The following CHCHD3 variants were observed in gnomAD, a reference collection of about 807,000 sequenced individuals.
CHCHD3 encodes coiled-coil-helix-coiled-coil-helix domain containing 3.
Under a neutral mutation model 38.2 loss-of-function variants are expected in CHCHD3, and 20 were observed. The observed-to-expected ratio is 0.52, with a 90% confidence interval of 0.37 to 0.76. CHCHD3 has a LOEUF of 0.76. Ranked by LOEUF, CHCHD3 falls within the 30% of genes least tolerant of loss-of-function variation. CHCHD3 has a pLI of 0.00. For synonymous variants in CHCHD3, 82 were observed against 100.0 expected (o/e 0.82, Z 1.07); for missense variants, 245 against 279.2 (o/e 0.88, Z 0.87).
At chr7:132,889,052 A>G (rs1271970825) in intron 4 of CHCHD3, among the ~76,000 whole-genome samples, 2 of 152,114 alleles carry the variant, frequency 1.3e-5, no homozygotes, top group African/African-American at 4.8e-5. Flanking sequence ...AAAATCTTTT[A>G]AACATCAATA....
At chr7:132,963,644 T>G (rs550422123) in intron 4 of CHCHD3, among the ~76,000 whole-genome samples, 4 of 149,238 alleles carry the variant, frequency 2.7e-5, no homozygotes, top group African/African-American at 9.9e-5. Context: ...AAAAAAAAAA[T>G]TGTAATTTCC....
At chr7:132,992,418 A>C (rs574134233) in intron 3 of CHCHD3, among the ~76,000 whole-genome samples, 3 of 152,108 alleles carry the variant, frequency 2.0e-5, no homozygotes, top group Admixed American at 6.5e-5. Flanking sequence ...GCTACATCCC[A>C]CAGAGCCTCT....
At chr7:132,797,937 G>A (rs1806664199) in intron 6 of CHCHD3, among the ~76,000 whole-genome samples, 1 of 152,032 alleles carries the variant, frequency 6.6e-6, no homozygotes, top group Non-Finnish European at 1.5e-5. Context: ...AATACAAGAA[G>A]CTTCCAGTCT....
chr7:132,842,524 C>G (rs1042573390), intron 5 of CHCHD3, among the ~76,000 whole-genome samples: 1 of 152,134 alleles, frequency 6.6e-6, no homozygotes, highest in Non-Finnish European at 1.5e-5. Context: ...CACTAATGTT[C>G]GTTTTCTGTT....
At chr7:132,925,022 G>T (rs1427918980) in intron 4 of CHCHD3, among the ~76,000 whole-genome samples, 1 of 152,098 alleles carries the variant, frequency 6.6e-6, no homozygotes, top group Non-Finnish European at 1.5e-5. Context: ...ATGCTCAAAT[G>T]AAAAATCATT....
chr7:132,803,314 T>G (rs1202621411), intron 6 of CHCHD3, among the ~76,000 whole-genome samples: 2 of 151,880 alleles, frequency 1.3e-5, no homozygotes, highest in Non-Finnish European at 2.9e-5. Context: ...AACTTTTTAT[T>G]TGAATATCTC....
intron 4 of CHCHD3, among the ~76,000 whole-genome samples, chr7:132,938,778 G>T (rs147486280): frequency 2.0e-5 from 3 of 152,110 alleles, no homozygotes; most frequent in African/African-American, 7.2e-5. Context: ...TTCCCAGGAC[G>T]TTTAGATCTC....
intron 4 of CHCHD3, among the ~76,000 whole-genome samples, chr7:132,892,236 T>C (rs539225852): frequency 6.6e-6 from 1 of 152,286 alleles, no homozygotes; most frequent in African/African-American, 2.4e-5. Context: ...AAAATGCTGA[T>C]AGTGATATGG....
intron 4 of CHCHD3, among the ~76,000 whole-genome samples, chr7:132,944,201 G>A (rs1810840905): frequency 6.6e-6 from 1 of 151,916 alleles, no homozygotes; most frequent in East Asian, 1.9e-4. Context: ...ATCAATTGCT[G>A]ACTTCTTGGT....
intron 1 of CHCHD3, among the ~76,000 whole-genome samples, chr7:133,073,151 A>C (rs1471415970): frequency 2.6e-5 from 4 of 152,088 alleles, no homozygotes; most frequent in Non-Finnish European, 5.9e-5. Context: ...TTTAGCATCT[A>C]ACACCTCTGG....
At chr7:132,914,596 G>T (rs1810053393) in intron 4 of CHCHD3, among the ~76,000 whole-genome samples, 1 of 152,134 alleles carries the variant, frequency 6.6e-6, no homozygotes, top group East Asian at 1.9e-4. Context: ...AAAATTCAAA[G>T]AAATATAAAA....
In CHCHD3 at chr7:133,001,009, G is replaced by A. The variant is rs74957592; in HGVS notation, c.251+23537C>T. On this transcript the variant is annotated intron_variant, in intron 3 of 7. Transcript: ENST00000262570. ...ATGTTACAACTTCTCATCAGTTCTCGCCTCATAACATACAGCTGTGTGACT... is the reference window on the plus strand; with the variant it reads ...ATGTTACAACTTCTCATCAGTTCTCACCTCATAACATACAGCTGTGTGACT... Among the ~76,000 whole-genome samples the A allele has an allele frequency of 5.3e-4, 81 of 152,132 alleles. No homozygotes were observed. In the East Asian group the frequency reaches 0.015, roughly 29 times the overall value.
intron 4 of CHCHD3, among the ~76,000 whole-genome samples, chr7:132,898,414 A>G (rs1739227571): frequency 6.6e-6 from 1 of 152,188 alleles, no homozygotes; most frequent in South Asian, 2.1e-4. Context: ...CAGAGTGTGG[A>G]CACAAAGGTT....
At chr7:132,944,765 T>C (rs371864341) in intron 4 of CHCHD3, among the ~76,000 whole-genome samples, 1 of 152,044 alleles carries the variant, frequency 6.6e-6, no homozygotes, top group Admixed American at 6.6e-5. Flanking sequence ...GGTAGGATTA[T>C]GGATGTTTTA....
At chr7:132,964,074 T>A (rs1392931984) in intron 4 of CHCHD3, among the ~76,000 whole-genome samples, 2 of 152,164 alleles carry the variant, frequency 1.3e-5, no homozygotes, top group South Asian at 2.1e-4. Context: ...AAATTTCTCA[T>A]AAAATTCAAT....
chr7:132,888,634 A>T (rs1380739242), intron 4 of CHCHD3, among the ~76,000 whole-genome samples: 1 of 152,048 alleles, frequency 6.6e-6, no homozygotes, highest in Non-Finnish European at 1.5e-5. Context: ...AGCATTATTT[A>T]AAGCAACAAC....
chr7:133,014,883 C>CA (rs1812984570), intron 3 of CHCHD3, among the ~76,000 whole-genome samples: 1 of 152,148 alleles, frequency 6.6e-6, no homozygotes, highest in South Asian at 2.1e-4. Context: ...TGACCAGCAG[C>CA]AGATCCTCAT....
intron 6 of CHCHD3, among the ~76,000 whole-genome samples, chr7:132,803,794 C>T (rs1806846851): frequency 7.2e-6 from 1 of 139,738 alleles, no homozygotes; most frequent in South Asian, 2.7e-4. Context: ...TGGTGGGTTG[C>T]TGTGCCCAGC....
At chr7:133,067,804 T>C (rs1186297793) in intron 2 of CHCHD3, among the ~76,000 whole-genome samples, 3 of 152,240 alleles carry the variant, frequency 2.0e-5, no homozygotes, top group African/African-American at 4.8e-5. Context: ...AACTTTTTCC[T>C]ATTTTTGCAT....
Sources: allele counts gnomAD v4.1 joint callset (sites outside exome capture counted in the v4.1 genomes callset), GRCh38; gene constraint gnomAD v4.1.1; transcripts MANE v1.5; gene names NCBI Gene and HGNC (gene_info 2026-07-23, HGNC 2026-07-21).